The following NRN1 variants were observed in gnomAD, a reference collection of about 807,000 sequenced individuals.
NRN1 encodes the protein neuritin 1, also known as neuritin.
In NRN1, 4 loss-of-function variants were observed where a neutral mutation model predicts 15.0. The ratio of observed to expected loss-of-function variants is 0.27; its 90% confidence interval spans 0.13 to 0.61. The LOEUF is 0.61. Ranked by LOEUF, NRN1 falls within the 20% of genes least tolerant of loss-of-function variation. The probability of loss-of-function intolerance (pLI) is 0.87; values close to 1 mark genes in which losing one functional copy is unlikely to be tolerated. For missense variants in NRN1, 134 were observed against 181.9 expected (o/e 0.74, Z 1.51); for synonymous variants, 85 against 79.8 (o/e 1.07, Z -0.35).
intron 1 of NRN1, 73 bp downstream of exon 1, chr6:6,006,621 TC>T: frequency 6.9e-7 from 1 of 1,449,868 alleles, no homozygotes. Flanking sequence ...GACCCGCTAG[TC>T]CCCCTCCGCG....
Position 5,999,080 on chromosome 6 carries a change from C to T in NRN1, c.325G>A (p.Glu109Lys). ...GCCCCGTTGCCGCTGCCGCAGAGTT[C>T]GAATAAGCTGCCTTGGATGTTGAGG... ...KNLNIQGSLF[E>K]LCGSGNGAAG... Residue 109 changes from glutamate (E) to lysine (K), a missense_variant, in exon 3 of 3, where the codon GAA becomes AAA. Transcript: ENST00000244766. 6.2e-7 allele frequency: 1 copy of T among 1,614,142 alleles called. No homozygotes were observed. Among genetic ancestry groups the T allele is most frequent in the Non-Finnish European group, 8.5e-7 (1 of 1,180,010 alleles).
rs566725394 is a variant in NRN1, at chr6:6,002,961, G to A, written c.56-464C>T. The A allele has an allele frequency of 6.6e-3, 2,622 of 398,766 alleles. 8 individuals carry two copies. The highest frequency in any genetic ancestry group is 8.8e-3 in the Non-Finnish European group (1,988 of 225,550). 24.7% of individuals were successfully genotyped at this position (398,766 alleles called of 1,614,324 possible). ...ACAGAAGGGGTCTCGGCTGCAGCGT[G>A]CGGGGGCGAGAACGGGGTGGGGAGA... On this transcript the variant is annotated intron_variant, in intron 1 of 2. Coordinates refer to ENST00000244766, the MANE Select transcript of NRN1 (RefSeq NM_016588.3).
Position 6,006,606 on chromosome 6 carries a change from C to T in NRN1, c.55+89G>A, listed in dbSNP as rs943060289. Reference sequence around the variant, plus strand: ...CCGGCTTCTCCGCACCCTGGGGCGGCCGCGGACCCGCTAGTCCCCCTCCGC... The same window carrying T: ...CCGGCTTCTCCGCACCCTGGGGCGGTCGCGGACCCGCTAGTCCCCCTCCGC... On this transcript the variant is annotated intron_variant, in intron 1 of 2. Coordinates refer to ENST00000244766, the MANE Select transcript of NRN1 (RefSeq NM_016588.3). 8.5e-6 allele frequency: 11 copies of T among 1,297,410 alleles called. No homozygotes were observed. The East Asian group carries it at 1.6e-4, about 19-fold the overall frequency. The allele number at this position is 1,297,410 out of a possible 1,614,324, so 80.4% of individuals were successfully genotyped here. A position where few individuals can be genotyped will look rare whatever the true frequency, so the allele number is the denominator to read the frequency against.
chr6:6,006,547 C>G (rs1758114722), intron 1 of NRN1, 148 bp downstream of exon 1: 1 of 708,354 alleles, frequency 1.4e-6, no homozygotes. Context: ...CGCGCTAGTC[C>G]CCAGGAACTG....
In NRN1 at chr6:5,998,789, T is replaced by C. The variant is rs1271844933; in HGVS notation, c.*187A>G. On this transcript the variant is annotated 3_prime_UTR_variant, in exon 3 of 3. Coordinates refer to ENST00000244766, the MANE Select transcript of NRN1 (RefSeq NM_016588.3). ...TTGCTTGCTCACTGATTGGTAACATTTGGCAAATAAAACACAAGAAATCAA... is the reference window on the plus strand; with the variant it reads ...TTGCTTGCTCACTGATTGGTAACATCTGGCAAATAAAACACAAGAAATCAA... 4 of 602,658 alleles carry C rather than the reference T, an allele frequency of 6.6e-6. No homozygotes were observed. In the Admixed American group the frequency reaches 8.9e-5, roughly 13 times the overall value. 37.3% of individuals were successfully genotyped at this position (602,658 alleles called of 1,614,324 possible).
chr6:6,002,980 G>A (rs1266276937), intron 1 of NRN1: 1 of 402,786 alleles, frequency 2.5e-6, no homozygotes, highest in Non-Finnish European at 4.4e-6. Context: ...AGAACGGGGT[G>A]GGGAGACGAC....
intron 2 of NRN1, among the ~76,000 whole-genome samples, chr6:5,999,697 C>T (rs944886544): frequency 3.3e-5 from 5 of 152,096 alleles, no homozygotes; most frequent in African/African-American, 1.2e-4. Context: ...CTTCTGTCTC[C>T]CTCCTTCTCC....
intron 2 of NRN1, among the ~76,000 whole-genome samples, chr6:6,000,759 A>C (rs1477733472): frequency 1.4e-5 from 1 of 72,878 alleles, no homozygotes; most frequent in Admixed American, 1.7e-4. Context: ...ATGTACGCCC[A>C]GATGAGGGCA....
intron 1 of NRN1, among the ~76,000 whole-genome samples, chr6:6,004,816 T>C (rs529366356): frequency 6.6e-6 from 1 of 152,202 alleles, no homozygotes; most frequent in South Asian, 2.1e-4. Context: ...GTCCCCTTCT[T>C]GTGCGGTTTC....
At chr6:6,000,516 C>G (rs796368988) in intron 2 of NRN1, among the ~76,000 whole-genome samples, 8 of 152,192 alleles carry the variant, frequency 5.3e-5, no homozygotes, top group African/African-American at 1.7e-4. Context: ...ATTTTCTCCT[C>G]TCTCTTCCTT....
At chr6:6,003,157 C>T (rs1758006598) in intron 1 of NRN1, 1 of 1,225,292 alleles carries the variant, frequency 8.2e-7, no homozygotes, top group Non-Finnish European at 1.0e-6. Flanking sequence ...CATTATAAAA[C>T]CGATTGCCTA....
chr6:6,000,722 CTTTTTTTTT>C lies in NRN1; in HGVS notation c.201-1527_201-1519del, dbSNP rs55712329. On this transcript the variant is annotated intron_variant, in intron 2 of 2. Coordinates refer to ENST00000244766, the MANE Select transcript of NRN1 (RefSeq NM_016588.3). ...CCTGCTAAAGGATGCCTAAATTGCT[CTTTTTTTTT>C]TTTTTTTTTTTTTTTTTATGTACGC... Among the ~76,000 whole-genome samples the C allele has an allele frequency of 1.9e-3, 116 of 60,858 alleles. 3 individuals are homozygous for C. Among genetic ancestry groups the C allele is most frequent in the African/African-American group, 4.8e-3 (72 of 14,970 alleles). The allele number at this position is 60,858 out of a possible 152,430, so 39.9% of individuals were successfully genotyped here.
Position 5,998,826 on chromosome 6 carries a change from A to C in NRN1, c.*150T>G. ...ACACAAGAAATCAAACGAAATAAAA[A>C]AGAGAATCAGGATTTCCCACAATCC... On this transcript the variant is annotated 3_prime_UTR_variant, in exon 3 of 3. Transcript: ENST00000244766. The C allele has an allele frequency of 1.6e-6, 1 of 633,468 alleles. No homozygotes were observed. The highest frequency in any genetic ancestry group is 2.7e-6 in the Non-Finnish European group (1 of 368,304). The allele number at this position is 633,468 out of a possible 1,614,324, so 39.2% of individuals were successfully genotyped here. A position where few individuals can be genotyped will look rare whatever the true frequency, so the allele number is the denominator to read the frequency against.
chr6:6,002,966 G>A, intron 1 of NRN1: 1 of 399,640 alleles, frequency 2.5e-6, no homozygotes, highest in Non-Finnish European at 4.4e-6. Context: ...AGCGTGCGGG[G>A]GCGAGAACGG....
chr6:6,004,895 T>A (rs1345733172), intron 1 of NRN1, among the ~76,000 whole-genome samples: 6 of 152,086 alleles, frequency 3.9e-5, no homozygotes, highest in African/African-American at 1.2e-4. Context: ...TTCTTTCGTG[T>A]TCACCACACT....
At chr6:6,000,386 C>T (rs1353748659) in intron 2 of NRN1, among the ~76,000 whole-genome samples, 1 of 152,168 alleles carries the variant, frequency 6.6e-6, no homozygotes, top group Non-Finnish European at 1.5e-5. Context: ...ATTCCTGGGG[C>T]GCTGTCTCCT....
intron 1 of NRN1, chr6:6,003,593 AGG>A: frequency 1.6e-6 from 1 of 625,424 alleles, no homozygotes; most frequent in Admixed American, 4.5e-5. Flanking sequence ...CGGCGGGAGG[AGG>A]AGGAGGAGGA....
At chr6:6,002,519 G>T (rs554451080) in intron 1 of NRN1, 22 bp from the exon 2 acceptor site, 9 of 1,604,806 alleles carry the variant, frequency 5.6e-6, no homozygotes, top group Non-Finnish European at 7.7e-6. Flanking sequence ...AGGGAACACC[G>T]GTCAGCAGCG....
At chr6:6,000,748 T>TTTTTTTTTTTTTA (rs1554145373) in intron 2 of NRN1, among the ~76,000 whole-genome samples, 1,440 of 99,020 alleles carry the variant, frequency 0.015, 225 homozygotes, top group South Asian at 0.023. Context: ...TTTTTTTTTT[T>TTTTTTTTTTTTTA]ATGTACGCCC....
Sources: gnomAD v4.1 joint callset for allele counts (sites outside exome capture counted in the v4.1 genomes callset) on GRCh38, gnomAD v4.1.1 for gene constraint, MANE v1.5 for transcripts, NCBI Gene and HGNC (gene_info 2026-07-23, HGNC 2026-07-21) for gene names.